The following PIAS2 variants were observed in gnomAD, a reference collection of about 807,000 sequenced individuals.
The protein encoded by PIAS2 is E3 SUMO-protein ligase PIAS2.
In PIAS2, 19 loss-of-function variants were observed where a neutral mutation model predicts 69.7. The ratio of observed to expected loss-of-function variants is 0.27; its 90% CI spans 0.19 to 0.40. The LOEUF (loss-of-function observed/expected upper bound fraction) is 0.40, where lower values mean the gene tolerates loss of function less well. Ranked by LOEUF, PIAS2 falls within the 10% of genes least tolerant of loss-of-function variation. The probability of loss-of-function intolerance (pLI) is 1.00; values close to 1 mark genes in which losing one functional copy is unlikely to be tolerated. For synonymous variants in PIAS2, 261 were observed against 263.2 expected (o/e 0.99, Z 0.08); for missense variants, 624 against 757.0 (o/e 0.82, Z 2.06).
chr18:46,818,206 C>A, intron 12 of PIAS2: 1 of 1,192,538 alleles, frequency 8.4e-7, no homozygotes, highest in Non-Finnish European at 1.0e-6. Context: ...AACATAACTG[C>A]TACATGATTA....
rs1254875971 is a variant in PIAS2 at position 46,807,494 on chromosome 18, C to G, written c.*4939G>C. The G allele has an allele frequency of 7.0e-6, 1 of 142,496 alleles. No homozygotes were observed. The allele number at this position is 142,496 out of a possible 1,614,324, so 8.8% of individuals were successfully genotyped here. A position where few individuals can be genotyped will look rare whatever the true frequency, so the allele number is the denominator to read the frequency against. ...AAATCCTCCGCCTCCTGGGTTCAAG[C>G]GATTCTCCTGCCTCGGTCTCCCAAG... is the stretch of plus-strand genomic sequence containing the variant. On this transcript the variant is annotated 3_prime_UTR_variant, in exon 14 of 14. Transcript: ENST00000585916.
intron 3 of PIAS2, among the ~76,000 whole-genome samples, chr18:46,857,693 C>T (rs560426763): frequency 1.3e-5 from 2 of 152,320 alleles, no homozygotes; most frequent in African/African-American, 4.8e-5. Flanking sequence ...TAAGGAGTTA[C>T]ACTTTATTCT....
intron 3 of PIAS2, 82 bp downstream of exon 3, chr18:46,864,082 A>T: frequency 1.3e-6 from 1 of 764,084 alleles, no homozygotes; most frequent in Non-Finnish European, 2.2e-6. Flanking sequence ...TACACTGTCC[A>T]GTCTGTGAAA....
At chr18:46,824,296 G>A (rs590923) in intron 11 of PIAS2, among the ~76,000 whole-genome samples, 3 of 151,878 alleles carry the variant, frequency 2.0e-5, no homozygotes, top group Admixed American at 2.0e-4. Flanking sequence ...CCCACTTTAT[G>A]ATCATAAAAG....
At chr18:46,896,489 T>A (rs916118324) in intron 1 of PIAS2, among the ~76,000 whole-genome samples, 4 of 152,200 alleles carry the variant, frequency 2.6e-5, no homozygotes, top group Non-Finnish European at 5.9e-5. Flanking sequence ...AAGGATGGAA[T>A]TCTGTTCCTT....
chr18:46,835,688 TTACA>T (rs1334925017), intron 9 of PIAS2, among the ~76,000 whole-genome samples: 8 of 152,186 alleles, frequency 5.3e-5, no homozygotes, highest in Admixed American at 3.3e-4. Flanking sequence ...ATATAAATCA[TTACA>T]TAAAGTATCA....
Position 46,809,344 on chromosome 18 carries a change from A to G in PIAS2, c.*3089T>C, listed in dbSNP as rs1460890746. 2 of 152,278 alleles carry G rather than the reference A, an allele frequency of 1.3e-5. No individual in the cohort carries two copies. Among genetic ancestry groups the G allele is most frequent in the Non-Finnish European group, 2.9e-5 (2 of 68,076 alleles). 9.4% of individuals were successfully genotyped at this position (152,278 alleles called of 1,614,324 possible). On this transcript the variant is annotated 3_prime_UTR_variant, in exon 14 of 14. Transcript: ENST00000585916. Reference sequence around the variant, plus strand: ...CTCAAGTGGCTCACCTAATTGTCAGAAAGTGAGTGAGTGACAACAGACCTC... The same window carrying G: ...CTCAAGTGGCTCACCTAATTGTCAGGAAGTGAGTGAGTGACAACAGACCTC...
chr18:46,813,887 G>A (rs1428005496), intron 13 of PIAS2, among the ~76,000 whole-genome samples: 2 of 152,152 alleles, frequency 1.3e-5, no homozygotes, highest in Admixed American at 6.5e-5. Flanking sequence ...CTTCCAAGGA[G>A]CTCTAAAGAT....
At chr18:46,918,272 G>A (rs1434709035), upstream of PIAS2, among the ~76,000 whole-genome samples, 6 of 152,124 alleles carry the variant, frequency 3.9e-5, no homozygotes, top group African/African-American at 1.4e-4. Flanking sequence ...ATCGCTGGAC[G>A]GTGTCCAGGG....
chr18:46,880,766 T>C (rs2052105046), intron 2 of PIAS2, among the ~76,000 whole-genome samples: 1 of 152,236 alleles, frequency 6.6e-6, no homozygotes, highest in Non-Finnish European at 1.5e-5. Context: ...CTCTCTTCTA[T>C]ATTAGCAAAC....
intron 2 of PIAS2, among the ~76,000 whole-genome samples, chr18:46,864,671 G>A (rs2049159890): frequency 6.6e-6 from 1 of 151,658 alleles, no homozygotes; most frequent in South Asian, 2.1e-4. Context: ...ATGGGAGGCG[G>A]AGGCAGGAGA....
rs941191559 is a variant in PIAS2, at chr18:46,805,680, A to G, written c.*6753T>C. The G allele has an allele frequency of 3.9e-5, 6 of 152,336 alleles. No individual in the cohort carries two copies. Among genetic ancestry groups the G allele is most frequent in the Admixed American group, 2.6e-4 (4 of 15,278 alleles). 9.4% of individuals were successfully genotyped at this position (152,336 alleles called of 1,614,324 possible). On this transcript the variant is annotated 3_prime_UTR_variant, in exon 14 of 14. Transcript: ENST00000585916. ...GGGCAAGGCAGTGAAGAGAAAAATC[A>G]AAAGAAAAGGCTAAGATGTAGCCAA...
intron 12 of PIAS2, chr18:46,816,772 G>C: frequency 1.0e-6 from 1 of 983,554 alleles, no homozygotes; most frequent in South Asian, 4.7e-5. Flanking sequence ...CCAGCTTGCT[G>C]TAATTTTTCA....
intron 5 of PIAS2, among the ~76,000 whole-genome samples, chr18:46,848,821 T>A (rs2046543836): frequency 6.6e-6 from 1 of 150,526 alleles, no homozygotes. Context: ...TATGCCCATC[T>A]TAAGTTGCTC....
chr18:46,864,799 A>C (rs1414157174), intron 2 of PIAS2, among the ~76,000 whole-genome samples: 4 of 151,974 alleles, frequency 2.6e-5, no homozygotes, highest in Non-Finnish European at 4.4e-5. Context: ...AATGCACAGT[A>C]AAAATATAAC....
intron 5 of PIAS2, 110 bp downstream of exon 5, chr18:46,855,235 A>G: frequency 3.1e-6 from 2 of 647,228 alleles, no homozygotes; most frequent in Non-Finnish European, 5.4e-6. Context: ...TTTAATCTGG[A>G]TGCTAAAACT....
upstream of PIAS2, chr18:46,919,987 T>C: frequency 9.7e-7 from 1 of 1,031,402 alleles, no homozygotes; most frequent in African/African-American, 1.6e-5. Flanking sequence ...CAGAGGAGCT[T>C]ACACCCATAA....
rs376523955 is a variant in PIAS2, at chr18:46,847,627, G to A, written c.727-786C>T. Among the ~76,000 whole-genome samples the A allele has an allele frequency of 2.6e-4, 40 of 151,908 alleles. 2 individuals carry two copies. The East Asian group carries it at 4.7e-3, about 18-fold the overall frequency. On this transcript the variant is annotated intron_variant, in intron 5 of 13. Coordinates refer to ENST00000585916, the MANE Select transcript of PIAS2 (RefSeq NM_004671.5). Reference sequence around the variant, plus strand: ...CTCCTGAGTAACTGGGACTACAGGCGCCTGCCACAACATCCGGCTAATTTT... The same window carrying A: ...CTCCTGAGTAACTGGGACTACAGGCACCTGCCACAACATCCGGCTAATTTT...
intron 1 of PIAS2, chr18:46,906,331 A>T (rs2146233809): frequency 6.6e-6 from 1 of 152,092 alleles, no homozygotes; most frequent in Admixed American, 6.5e-5. Flanking sequence ...CAGCACATTA[A>T]GACAAGAAAA....
Sources: gnomAD v4.1 joint callset for allele counts (sites outside exome capture counted in the v4.1 genomes callset) on GRCh38, gnomAD v4.1.1 for gene constraint, MANE v1.5 for transcripts, NCBI Gene and HGNC (gene_info 2026-07-23, HGNC 2026-07-21) for gene names.